The following ABTB3 variants were observed in gnomAD, a reference collection of about 807,000 sequenced individuals.
ABTB3 encodes the protein ankyrin repeat and BTB domain containing 3.
chr12:107,453,636 A>G, the ABTB3 span, among the ~76,000 whole-genome samples: 2 of 152,230 alleles, frequency 1.3e-5, no homozygotes, highest in Admixed American at 6.5e-5. Flanking sequence ...ATCAGCCCGA[A>G]TGGACTAAGA....
At chr12:107,427,620 A>G in the ABTB3 span, among the ~76,000 whole-genome samples, 2 of 152,108 alleles carry the variant, frequency 1.3e-5, no homozygotes, top group Non-Finnish European at 2.9e-5. Flanking sequence ...TTCCCATCTC[A>G]AGATCCTGAA....
chr12:107,640,267 CT>C, the ABTB3 span: 9 of 1,155,522 alleles, frequency 7.8e-6, no homozygotes, highest in South Asian at 2.9e-5. Context: ...AAACTTCATC[CT>C]TTTTTCCACT....
chr12:107,493,139 A>C, the ABTB3 span, among the ~76,000 whole-genome samples: 1 of 152,028 alleles, frequency 6.6e-6, no homozygotes, highest in African/African-American at 2.4e-5. Context: ...AGTAAGTGAA[A>C]GCCCAAAGGC....
the ABTB3 span, among the ~76,000 whole-genome samples, chr12:107,575,395 C>T: frequency 1.2e-4 from 18 of 152,240 alleles, no homozygotes; most frequent in East Asian, 7.7e-4. Context: ...CCAGGCGCCA[C>T]GCTAAGTACA....
the ABTB3 span, among the ~76,000 whole-genome samples, chr12:107,543,627 C>T: frequency 6.6e-6 from 1 of 152,036 alleles, no homozygotes; most frequent in African/African-American, 2.4e-5. Flanking sequence ...GCGAGGGAGG[C>T]AGTATGCAGG....
the ABTB3 span, among the ~76,000 whole-genome samples, chr12:107,408,777 C>T: frequency 6.6e-6 from 1 of 152,200 alleles, no homozygotes; most frequent in Non-Finnish European, 1.5e-5. Context: ...CAAATCCTAG[C>T]TCTGTCAGTT....
chr12:107,319,135 C>T, the ABTB3 span: 2 of 1,605,078 alleles, frequency 1.2e-6, no homozygotes, highest in South Asian at 2.2e-5. Flanking sequence ...GGCACAACAG[C>T]TTTGACACTG....
the ABTB3 span, among the ~76,000 whole-genome samples, chr12:107,601,548 C>G: frequency 2.0e-5 from 3 of 152,172 alleles, no homozygotes; most frequent in Non-Finnish European, 4.4e-5. Flanking sequence ...GAAGCCTGTG[C>G]TTCCAAGCAG....
At chr12:107,492,433 C>T in the ABTB3 span, among the ~76,000 whole-genome samples, 3 of 152,272 alleles carry the variant, frequency 2.0e-5, no homozygotes, top group East Asian at 1.9e-4. Flanking sequence ...CAAGACCCCT[C>T]GGGAAGGCAG....
chr12:107,566,272 C>A, the ABTB3 span, among the ~76,000 whole-genome samples: 3 of 152,016 alleles, frequency 2.0e-5, no homozygotes, highest in Non-Finnish European at 2.9e-5. Context: ...TATCCCATTC[C>A]CATCCCCTAC....
chr12:107,594,863 C>T, the ABTB3 span, among the ~76,000 whole-genome samples: 6 of 152,060 alleles, frequency 3.9e-5, no homozygotes, highest in Non-Finnish European at 7.4e-5. Flanking sequence ...AATTGTATTA[C>T]CCTACACCAG....
chr12:107,580,945 C>G, the ABTB3 span: 33 of 1,551,526 alleles, frequency 2.1e-5, no homozygotes, highest in Admixed American at 1.8e-4. Flanking sequence ...GAGAGCCTGC[C>G]CCGGGGTCAC....
the ABTB3 span, among the ~76,000 whole-genome samples, chr12:107,359,692 T>C: frequency 6.6e-6 from 1 of 152,140 alleles, no homozygotes; most frequent in East Asian, 1.9e-4. Context: ...CCGCATCCCA[T>C]GTGCTGGGTG....
the ABTB3 span, among the ~76,000 whole-genome samples, chr12:107,404,779 C>T: frequency 1.3e-5 from 2 of 152,136 alleles, no homozygotes; most frequent in Non-Finnish European, 2.9e-5. Flanking sequence ...CTGGCTGAGG[C>T]GGCCCCAATC....
chr12:107,337,037 A>T, the ABTB3 span, among the ~76,000 whole-genome samples: 1 of 152,264 alleles, frequency 6.6e-6, no homozygotes, highest in Non-Finnish European at 1.5e-5. Context: ...CAGAAAGGAA[A>T]TGATTGCCCA....
chr12:107,334,437 AG>A, the ABTB3 span, among the ~76,000 whole-genome samples: 1 of 152,138 alleles, frequency 6.6e-6, no homozygotes, highest in Admixed American at 6.5e-5. Context: ...AAGACTCTGA[AG>A]GGTTTTTGGT....
At chr12:107,462,019 G>A in the ABTB3 span, among the ~76,000 whole-genome samples, 880 of 152,300 alleles carry the variant, frequency 5.8e-3, 14 homozygotes, top group African/African-American at 0.02. Context: ...TGGGAGAAAC[G>A]TCTGAGCCCT....
chr12:107,383,305 T>TA, the ABTB3 span, among the ~76,000 whole-genome samples: 1 of 152,210 alleles, frequency 6.6e-6, no homozygotes, highest in African/African-American at 2.4e-5. Flanking sequence ...GCCCTGAGTT[T>TA]AGCATTTGCC....
the ABTB3 span, among the ~76,000 whole-genome samples, chr12:107,525,417 G>T: frequency 6.0e-5 from 9 of 149,042 alleles, no homozygotes; most frequent in Non-Finnish European, 1.0e-4. Context: ...CCTTTTTTAT[G>T]TTTAGGTATG....
Sources: allele counts gnomAD v4.1 joint callset (sites outside exome capture counted in the v4.1 genomes callset), GRCh38; gene constraint gnomAD v4.1.1; transcripts MANE v1.5; gene names NCBI Gene and HGNC (gene_info 2026-07-23, HGNC 2026-07-21).